The following DENND5B variants were observed in gnomAD, a reference collection of about 807,000 sequenced individuals.
The protein encoded by DENND5B is DENN domain containing 5B.
In DENND5B, 34 loss-of-function variants were observed where a neutral mutation model predicts 140.6. The ratio of observed to expected loss-of-function variants is 0.24; its 90% CI spans 0.18 to 0.32. DENND5B has a LOEUF of 0.32. DENND5B is among the 10% of genes least tolerant of loss of function. DENND5B has a pLI of 1.00. For missense variants in DENND5B, 1,142 were observed against 1,560.2 expected (o/e 0.73, Z 4.52); for synonymous variants, 551 against 562.1 (o/e 0.98, Z 0.28).
At chr12:31,430,307 G>A (rs1335812146) in intron 8 of DENND5B, among the ~76,000 whole-genome samples, 2 of 150,488 alleles carry the variant, frequency 1.3e-5, no homozygotes, top group Non-Finnish European at 2.9e-5. Context: ...AAAGGTGTAA[G>A]CCACTGCGCC....
intron 1 of DENND5B, among the ~76,000 whole-genome samples, chr12:31,530,352 G>A (rs1326187888): frequency 6.6e-6 from 1 of 152,156 alleles, no homozygotes; most frequent in African/African-American, 2.4e-5. Flanking sequence ...CAGCCTGGGT[G>A]ACAGAGCAAG....
intron 1 of DENND5B, among the ~76,000 whole-genome samples, chr12:31,508,071 G>C (rs1947270927): frequency 6.6e-6 from 1 of 152,008 alleles, no homozygotes; most frequent in South Asian, 2.1e-4. Flanking sequence ...TTGCTAAAGA[G>C]ACACCAAGAG....
chr12:31,542,333 A>G (rs1445645426), intron 1 of DENND5B, among the ~76,000 whole-genome samples: 1 of 152,036 alleles, frequency 6.6e-6, no homozygotes, highest in Non-Finnish European at 1.5e-5. Context: ...ATGAACATAG[A>G]AAGTAGAAGG....
intron 12 of DENND5B, among the ~76,000 whole-genome samples, chr12:31,414,382 A>G (rs1942615397): frequency 6.6e-6 from 1 of 152,144 alleles, no homozygotes; most frequent in Non-Finnish European, 1.5e-5. Flanking sequence ...TGATTCTCAG[A>G]TATGTATTTG....
chr12:31,401,328 A>C (rs1050387992), intron 15 of DENND5B, among the ~76,000 whole-genome samples: 5 of 152,192 alleles, frequency 3.3e-5, no homozygotes, highest in Admixed American at 6.5e-5. Context: ...CATTATTGTT[A>C]GATGAAGAAA....
intron 19 of DENND5B, among the ~76,000 whole-genome samples, chr12:31,390,575 G>A (rs1283074596): frequency 1.3e-5 from 2 of 152,162 alleles, no homozygotes; most frequent in African/African-American, 4.8e-5. Context: ...GGCAGAGGCT[G>A]CGGTGACCCA....
rs879794638 is a variant in DENND5B at position 31,494,207 on chromosome 12, CCTACCTACCTACCT to C, written c.237+1589_237+1602del. 2.5e-3 allele frequency among the ~76,000 whole-genome samples: 189 copies of C among 75,024 alleles called. 4 individuals are homozygous for C. Among genetic ancestry groups the C allele is most frequent in the East Asian group, 0.018 (39 of 2,116 alleles). The allele number at this position is 75,024 out of a possible 152,430, so 49.2% of individuals were successfully genotyped here. On this transcript the variant is annotated intron_variant, in intron 2 of 20. Coordinates refer to ENST00000389082, the MANE Select transcript of DENND5B (RefSeq NM_144973.4). ...ATCCATCCATCCATCCATCCACCTA[CCTACCTACCTACCT>C]CTACCTACCTACCTACCTACCTACC...
At chr12:31,562,531 T>C (rs911097055) in intron 1 of DENND5B, among the ~76,000 whole-genome samples, 1 of 151,944 alleles carries the variant, frequency 6.6e-6, no homozygotes, top group African/African-American at 2.4e-5. Context: ...GGAGAATCAG[T>C]TGAACCCGGG....
At chr12:31,545,949 T>TAAAAAAAAAAAAAAAAAA (rs1948840121) in intron 1 of DENND5B, among the ~76,000 whole-genome samples, 1 of 4,606 alleles carries the variant, frequency 2.2e-4, no homozygotes, top group Non-Finnish European at 3.0e-4. Flanking sequence ...AGACACTGTC[T>TAAAAAAAAAAAAAAAAAA]CAAAAAAAAA....
intron 14 of DENND5B, among the ~76,000 whole-genome samples, chr12:31,407,124 A>AT (rs1942168236): frequency 6.7e-6 from 1 of 149,572 alleles, no homozygotes; most frequent in South Asian, 2.1e-4. Flanking sequence ...AAATTAATTA[A>AT]TTAATTTATT....
intron 17 of DENND5B, among the ~76,000 whole-genome samples, chr12:31,394,147 C>G (rs1346475911): frequency 6.6e-6 from 1 of 151,854 alleles, no homozygotes; most frequent in Non-Finnish European, 1.5e-5. Flanking sequence ...TTTACCTTTA[C>G]CTTTCTCTAT....
At chr12:31,481,453 T>C (rs187891905) in intron 2 of DENND5B, among the ~76,000 whole-genome samples, 24 of 152,260 alleles carry the variant, frequency 1.6e-4, no homozygotes, top group African/African-American at 4.8e-4. Flanking sequence ...GGAAGTGCTA[T>C]GATAGGGTAA....
intron 11 of DENND5B, among the ~76,000 whole-genome samples, chr12:31,417,123 G>A (rs1304190828): frequency 3.2e-4 from 48 of 149,390 alleles, no homozygotes; most frequent in Admixed American, 2.7e-3. Context: ...TTGGGAGGCC[G>A]AGGCGGGCGG....
intron 7 of DENND5B, among the ~76,000 whole-genome samples, chr12:31,434,502 GC>G (rs1433228890): frequency 3.5e-4 from 53 of 152,114 alleles, no homozygotes; most frequent in South Asian, 6.2e-4. Context: ...CAACTCATGT[GC>G]CCTAGACCCA....
intron 1 of DENND5B, among the ~76,000 whole-genome samples, chr12:31,531,391 T>C (rs1427502618): frequency 1.3e-5 from 2 of 152,102 alleles, no homozygotes; most frequent in Non-Finnish European, 2.9e-5. Context: ...GTAGAGACAG[T>C]GTTTCGCCAT....
intron 13 of DENND5B, among the ~76,000 whole-genome samples, chr12:31,409,858 A>G (rs1333932176): frequency 6.6e-6 from 1 of 150,540 alleles, no homozygotes; most frequent in Non-Finnish European, 1.5e-5. Context: ...CTGGTCTTGA[A>G]CTCTTGGACT....
chr12:31,433,144 A>G lies in DENND5B; in HGVS notation c.2106+11T>C, dbSNP rs772335741. On this transcript the variant is annotated intron_variant, in intron 8 of 20. Transcript: ENST00000389082. ...TTGCTGTGAGGCACCCCAGGAAGGT[A>G]GACCACATACCTCCCTCAAGTCGTT... The G allele has an allele frequency of 6.2e-7, 1 of 1,613,682 alleles. No homozygotes were observed.
intron 1 of DENND5B, among the ~76,000 whole-genome samples, chr12:31,555,219 C>A (rs1949230962): frequency 6.6e-6 from 1 of 152,294 alleles, no homozygotes; most frequent in Middle Eastern, 3.4e-3. Context: ...TGGTGACGTA[C>A]AGATGGGTTT....
chr12:31,515,167 T>G (rs1487832369), intron 1 of DENND5B, among the ~76,000 whole-genome samples: 2 of 151,960 alleles, frequency 1.3e-5, no homozygotes, highest in Non-Finnish European at 2.9e-5. Context: ...AAGCCGAGTG[T>G]GGTGGTGCAT....
Sources: gnomAD v4.1 joint callset for allele counts (sites outside exome capture counted in the v4.1 genomes callset) on GRCh38, gnomAD v4.1.1 for gene constraint, MANE v1.5 for transcripts, NCBI Gene and HGNC (gene_info 2026-07-23, HGNC 2026-07-21) for gene names.